The following KLRG1 variants were observed in gnomAD, a reference collection of about 807,000 sequenced individuals.
KLRG1 encodes the protein killer cell lectin like receptor G1, also known as killer cell lectin-like receptor subfamily G member 1.
A neutral mutation model predicts 21.8 loss-of-function variants in KLRG1; 16 were observed. The ratio of observed to expected loss-of-function variants is 0.73; its 90% confidence interval spans 0.50 to 1.11. KLRG1 has a LOEUF of 1.11. Among genes scored for constraint, KLRG1 ranks in the 50% most tolerant of loss-of-function variants. The pLI, the probability that KLRG1 is intolerant of heterozygous loss-of-function variation, is 0.00. For missense variants in KLRG1, 173 were observed against 218.3 expected (o/e 0.79, Z 1.31); for synonymous variants, 69 against 75.9 (o/e 0.91, Z 0.47).
chr12:9,150,685 A>C, the KLRG1 span: 1 of 1,612,900 alleles, frequency 6.2e-7, no homozygotes, highest in Non-Finnish European at 8.5e-7. Flanking sequence ...TGCTGGCTTC[A>C]AGTCTCCTAC....
At chr12:9,016,088 G>T in the KLRG1 span, among the ~76,000 whole-genome samples, 1 of 151,866 alleles carries the variant, frequency 6.6e-6, no homozygotes, top group African/African-American at 2.4e-5. Context: ...TTAACAATGC[G>T]TCTTAAAGAA....
At chr12:9,207,896 G>GTATA in the KLRG1 span, among the ~76,000 whole-genome samples, 184 of 151,692 alleles carry the variant, frequency 1.2e-3, no homozygotes, top group Middle Eastern at 0.014. Context: ...TATACTTTCT[G>GTATA]TATATATATA....
chr12:9,195,240 TTAAAA>T, the KLRG1 span, among the ~76,000 whole-genome samples: 4 of 152,034 alleles, frequency 2.6e-5, no homozygotes, highest in African/African-American at 9.7e-5. Flanking sequence ...TTTAAAAAAT[TTAAAA>T]TAATAAAAAT....
chr12:9,117,734 C>T, the KLRG1 span, among the ~76,000 whole-genome samples: 1 of 152,046 alleles, frequency 6.6e-6, no homozygotes, highest in Non-Finnish European at 1.5e-5. Flanking sequence ...AGAATGTGAT[C>T]GCCCTGTGTA....
chr12:9,158,757 CTTTTTTT>C, the KLRG1 span, among the ~76,000 whole-genome samples: 2 of 125,430 alleles, frequency 1.6e-5, no homozygotes, highest in African/African-American at 3.0e-5. Context: ...CTTTTCTTTT[CTTTTTTT>C]TTTTTTTTTT....
At chr12:9,144,921 G>T in the KLRG1 span, among the ~76,000 whole-genome samples, 1 of 152,270 alleles carries the variant, frequency 6.6e-6, no homozygotes, top group African/African-American at 2.4e-5. Context: ...TGCCCTTTGG[G>T]GCAGTTTTTG....
the KLRG1 span, among the ~76,000 whole-genome samples, chr12:9,046,102 T>C: frequency 6.6e-6 from 1 of 152,106 alleles, no homozygotes; most frequent in Non-Finnish European, 1.5e-5. Context: ...GATGGGTTGA[T>C]AGGTGCAGCA....
rs1490369432 is a variant in KLRG1, at chr12:8,968,189, C to T, written c.-156+17953C>T. Among the ~76,000 whole-genome samples, 9 of 151,748 alleles carry T rather than the reference C, an allele frequency of 5.9e-5. 1 individual carries two copies. The East Asian group carries it at 7.8e-4, about 13-fold the overall frequency. Reference sequence around the variant, plus strand: ...AATGGCCAAAATTCTCCAATTAAAACGGGTCGTCAGATTAGATTTTTAAAA... The same window carrying T: ...AATGGCCAAAATTCTCCAATTAAAATGGGTCGTCAGATTAGATTTTTAAAA... On this transcript the variant is annotated intron_variant, in intron 1 of 4. Coordinates refer to the KLRG1 transcript ENST00000539240.
chr12:9,066,702 A>C, the KLRG1 span: 1 of 152,218 alleles, frequency 6.6e-6, no homozygotes, highest in African/African-American at 2.4e-5. Context: ...TATAAGCACC[A>C]CACAGAAGTG....
At chr12:9,087,426 A>G in the KLRG1 span, among the ~76,000 whole-genome samples, 1 of 152,156 alleles carries the variant, frequency 6.6e-6, no homozygotes, top group Admixed American at 6.5e-5. Flanking sequence ...CAAATATTGC[A>G]TGTTCTCATT....
chr12:9,017,529 A>C, the KLRG1 span, among the ~76,000 whole-genome samples: 3 of 152,296 alleles, frequency 2.0e-5, no homozygotes, highest in South Asian at 6.2e-4. Context: ...GATTATTTCA[A>C]TTGATGCTGA....
At chr12:9,105,231 T>C in the KLRG1 span, among the ~76,000 whole-genome samples, 1 of 152,194 alleles carries the variant, frequency 6.6e-6, no homozygotes. Context: ...AATCTAAGTT[T>C]GCCAGTGAAA....
At chr12:9,070,016 A>C in the KLRG1 span, among the ~76,000 whole-genome samples, 1 of 152,232 alleles carries the variant, frequency 6.6e-6, no homozygotes, top group South Asian at 2.1e-4. Context: ...TAATGTGTAA[A>C]GTTATTTATC....
the KLRG1 span, among the ~76,000 whole-genome samples, chr12:9,024,984 AAAG>A: frequency 9.9e-5 from 15 of 152,224 alleles, no homozygotes; most frequent in African/African-American, 3.6e-4. Flanking sequence ...GGTAAAAGCT[AAAG>A]AAGAAGTGGT....
chr12:9,197,679 C>A, the KLRG1 span, among the ~76,000 whole-genome samples: 7 of 87,026 alleles, frequency 8.0e-5, 1 homozygote, highest in Admixed American at 1.3e-3. Flanking sequence ...ATATATTATA[C>A]AATACATAAT....
chr12:9,102,476 A>G, the KLRG1 span, among the ~76,000 whole-genome samples: 7 of 152,138 alleles, frequency 4.6e-5, no homozygotes, highest in Admixed American at 4.6e-4. Context: ...TCAGCCTCCC[A>G]AAGTGCTGGG....
At chr12:9,099,286 C>A in the KLRG1 span, 1 of 1,193,716 alleles carries the variant, frequency 8.4e-7, no homozygotes, top group African/African-American at 1.5e-5. Flanking sequence ...TTTGTTTAAC[C>A]CTTTTGGCCC....
At chr12:9,117,638 A>G in the KLRG1 span, among the ~76,000 whole-genome samples, 1 of 152,102 alleles carries the variant, frequency 6.6e-6, no homozygotes, top group Admixed American at 6.5e-5. Context: ...AGATGGAGTA[A>G]GTGCTTGTGG....
At chr12:9,180,332 G>T in the KLRG1 span, among the ~76,000 whole-genome samples, 1 of 152,004 alleles carries the variant, frequency 6.6e-6, no homozygotes. Flanking sequence ...AAAAGAGCCC[G>T]CATCGCCAAG....
Sources: allele counts gnomAD v4.1 joint callset (sites outside exome capture counted in the v4.1 genomes callset), GRCh38; gene constraint gnomAD v4.1.1; transcripts MANE v1.5; gene names NCBI Gene and HGNC (gene_info 2026-07-23, HGNC 2026-07-21).